CPA3: variants seen among roughly 807,000 people sequenced by gnomAD.
The protein encoded by CPA3 is mast cell carboxypeptidase A.
In CPA3, 52 loss-of-function variants were observed where a neutral mutation model predicts 55.8. That is an observed-to-expected ratio of 0.93 (90% CI 0.75 to 1.17). The LOEUF (loss-of-function observed/expected upper bound fraction) is 1.17. CPA3 is among the 50% of genes most tolerant of loss of function. The probability of loss-of-function intolerance (pLI) is 0.00; values close to 1 mark genes in which losing one functional copy is unlikely to be tolerated. For missense variants in CPA3, 547 were observed against 509.1 expected (o/e 1.07, Z -0.72); for synonymous variants, 179 against 171.2 (o/e 1.05, Z -0.36).
At chr3:148,883,862 C>A in intron 9 of CPA3, 47 bp downstream of exon 9, 4 of 1,366,102 alleles carry the variant, frequency 2.9e-6, no homozygotes, top group Non-Finnish European at 4.2e-6. Flanking sequence ...ATACCATTGA[C>A]TTTCAGTCTG....
chr3:148,889,486 T>C (rs540024281), intron 10 of CPA3, among the ~76,000 whole-genome samples: 1 of 152,006 alleles, frequency 6.6e-6, no homozygotes, highest in Non-Finnish European at 1.5e-5. Context: ...GGCAAACATA[T>C]CAGATAAGTT....
intron 10 of CPA3, among the ~76,000 whole-genome samples, chr3:148,895,107 A>T (rs2108041685): frequency 6.6e-6 from 1 of 152,316 alleles, no homozygotes; most frequent in East Asian, 1.9e-4. Context: ...TTCAATCCAG[A>T]TTAACAAACC....
intron 9 of CPA3, 55 bp downstream of exon 9, chr3:148,883,870 C>A: frequency 7.7e-7 from 1 of 1,295,884 alleles, no homozygotes; most frequent in South Asian, 1.2e-5. Context: ...GACTTTCAGT[C>A]TGTTCTTCAT....
In CPA3 at chr3:148,882,913, G is replaced by A. The variant is rs911452610; in HGVS notation, c.778+318G>A. 3.9e-5 allele frequency among the ~76,000 whole-genome samples: 6 copies of A among 152,146 alleles called. No homozygotes were observed. The East Asian group carries it at 1.2e-3, about 29-fold the overall frequency. On this transcript the variant is annotated intron_variant, in intron 8 of 10. Coordinates refer to ENST00000296046, the MANE Select transcript of CPA3 (RefSeq NM_001870.4). ...CTCAGATTCCTCTGCTTCCTGATGTGAGAAATGTCAGTGGCTAAAAGCAAC... is the reference window on the plus strand; with the variant it reads ...CTCAGATTCCTCTGCTTCCTGATGTAAGAAATGTCAGTGGCTAAAAGCAAC...
intron 2 of CPA3, among the ~76,000 whole-genome samples, chr3:148,867,983 C>T (rs910817185): frequency 6.6e-6 from 1 of 152,176 alleles, no homozygotes; most frequent in African/African-American, 2.4e-5. Context: ...GCAACCTCCA[C>T]CTCCCAGGTT....
intron 3 of CPA3, among the ~76,000 whole-genome samples, chr3:148,871,830 G>T (rs1055108605): frequency 3.3e-5 from 5 of 152,230 alleles, no homozygotes; most frequent in Admixed American, 1.3e-4. Context: ...AGTGATAAGT[G>T]CAGACAAGAA....
rs1714519782 is a variant in CPA3 at position 148,886,101 on chromosome 3, T to G, written c.990T>G (p.Val330=). The G allele has an allele frequency of 6.2e-7, 1 of 1,612,974 alleles. No individual in the cohort carries two copies. The highest frequency in any genetic ancestry group is 8.5e-7 in the Non-Finnish European group (1 of 1,179,172). ...LPPNHEDLAK[V]AKIGTDVLST... is the part of the protein sequence containing the mutation. The stretch of plus-strand genomic sequence containing the variant: ...CTTTCCTTTCTCTCCAGGCCAAAGT[T>G]GCAAAGATTGGCACTGATGTTCTAT... The change falls in exon 10 of 11, where the codon GTT becomes GTG. Residue 330 remains valine (V), a synonymous_variant. Coordinates refer to ENST00000296046, the MANE Select transcript of CPA3 (RefSeq NM_001870.4).
intron 8 of CPA3, 71 bp downstream of exon 8, chr3:148,882,666 C>A: frequency 8.7e-7 from 1 of 1,150,352 alleles, no homozygotes; most frequent in African/African-American, 1.5e-5. Context: ...AACTAAAACA[C>A]CTACTTGTTC....
chr3:148,885,635 C>A (rs1714510241), intron 9 of CPA3, among the ~76,000 whole-genome samples: 1 of 152,006 alleles, frequency 6.6e-6, no homozygotes, highest in African/African-American at 2.4e-5. Context: ...TGGTCTCCAT[C>A]TCCTGACCTC....
rs553051404 is a variant in CPA3, at chr3:148,865,387, T to C, written c.68+12T>C. 55 of 1,614,096 alleles carry C rather than the reference T, an allele frequency of 3.4e-5. No individual in the cohort carries two copies. The African/African-American group carries it at 6.4e-4, about 19-fold the overall frequency. On this transcript the variant is annotated intron_variant, in intron 1 of 10. Coordinates refer to ENST00000296046, the MANE Select transcript of CPA3 (RefSeq NM_001870.4). The stretch of plus-strand genomic sequence containing the variant: ...GTCCGCTTTGACAGGTAAATCTTAC[T>C]TCCTGTGTTCCAGTCTCTGTGTAGA...
At chr3:148,888,795 C>T (rs1200403185) in intron 10 of CPA3, among the ~76,000 whole-genome samples, 1 of 152,204 alleles carries the variant, frequency 6.6e-6, no homozygotes, top group African/African-American at 2.4e-5. Flanking sequence ...GAATACAGAG[C>T]TGTGCATAGC....
At chr3:148,893,783 C>T (rs1335703762) in intron 10 of CPA3, among the ~76,000 whole-genome samples, 1 of 152,124 alleles carries the variant, frequency 6.6e-6, no homozygotes, top group East Asian at 1.9e-4. Flanking sequence ...AGGAATCAGA[C>T]AGAAATGATC....
intron 2 of CPA3, among the ~76,000 whole-genome samples, chr3:148,868,072 T>G (rs1713956208): frequency 1.3e-5 from 2 of 152,118 alleles, no homozygotes; most frequent in African/African-American, 4.8e-5. Flanking sequence ...ATTCTCTATT[T>G]TTAATAGAAG....
intron 2 of CPA3, among the ~76,000 whole-genome samples, chr3:148,867,617 T>C (rs146775807): frequency 1.3e-5 from 2 of 152,232 alleles, no homozygotes; most frequent in African/African-American, 4.8e-5. Flanking sequence ...ACACTACATC[T>C]CTCATATGTC....
At chr3:148,881,046 C>A (rs1714348708) in intron 6 of CPA3, among the ~76,000 whole-genome samples, 1 of 152,070 alleles carries the variant, frequency 6.6e-6, no homozygotes, top group Non-Finnish European at 1.5e-5. Context: ...AAAAGTTGTT[C>A]AATCTCTGAA....
chr3:148,881,882 G>A (rs1159849123), intron 7 of CPA3, among the ~76,000 whole-genome samples: 1 of 152,122 alleles, frequency 6.6e-6, no homozygotes, highest in African/African-American at 2.4e-5. Flanking sequence ...CAGAGGAAAT[G>A]TATGATTGCA....
intron 10 of CPA3, 62 bp from the exon 11 acceptor site, chr3:148,896,448 ACCACTGATTT>A: frequency 7.9e-7 from 1 of 1,268,692 alleles, no homozygotes; most frequent in Non-Finnish European, 1.1e-6. Flanking sequence ...CTAATTATAC[ACCACTGATTT>A]CCACTTTAAA....
intron 6 of CPA3, 68 bp from the exon 7 acceptor site, chr3:148,881,454 T>G: frequency 1.1e-6 from 1 of 921,232 alleles, no homozygotes; most frequent in Non-Finnish European, 1.7e-6. Context: ...ATTACTATTA[T>G]AACCACAGCT....
chr3:148,884,302 AAT>A (rs1281852615), intron 9 of CPA3, among the ~76,000 whole-genome samples: 2 of 152,240 alleles, frequency 1.3e-5, no homozygotes, highest in Non-Finnish European at 2.9e-5. Flanking sequence ...CTTCACTAAG[AAT>A]ATGTTATCTT....
Sources: allele counts gnomAD v4.1 joint callset (sites outside exome capture counted in the v4.1 genomes callset), GRCh38; gene constraint gnomAD v4.1.1; transcripts MANE v1.5; gene names NCBI Gene and HGNC (gene_info 2026-07-23, HGNC 2026-07-21).